Variants in SIPA1L2 observed in about 807,000 individuals in gnomAD.
SIPA1L2 encodes the protein signal-induced proliferation-associated 1-like protein 2.
SIPA1L2 carries 56 observed loss-of-function variants against 163.9 expected under a neutral mutation model. The observed-to-expected ratio is 0.34, with a 90% confidence interval of 0.28 to 0.43. The LOEUF is 0.43. Among genes scored for constraint, SIPA1L2 ranks in the 20% least tolerant of loss-of-function variants. The probability of loss-of-function intolerance (pLI) is 1.00; values close to 1 mark genes in which losing one functional copy is unlikely to be tolerated. For missense variants in SIPA1L2, 1,974 were observed against 2,193.5 expected, an observed-to-expected ratio of 0.90 and a Z score of 2.00; for synonymous variants, 877 against 865.7, an observed-to-expected ratio of 1.01 and a Z score of -0.23.
At chr1:232,455,349 G>A (rs973313677) in intron 10 of SIPA1L2, among the ~76,000 whole-genome samples, 1 of 152,270 alleles carries the variant, frequency 6.6e-6, no homozygotes, top group East Asian at 1.9e-4. Context: ...CAACAAAAAC[G>A]TGGAATCAAC....
intron 9 of SIPA1L2, among the ~76,000 whole-genome samples, chr1:232,463,607 A>G (rs1247855645): frequency 1.3e-5 from 2 of 152,236 alleles, no homozygotes; most frequent in Non-Finnish European, 2.9e-5. Context: ...GGGAAAGTAC[A>G]TTTTTGTGGT....
chr1:232,484,918 C>G (rs148134904), intron 5 of SIPA1L2, among the ~76,000 whole-genome samples: 4 of 152,298 alleles, frequency 2.6e-5, no homozygotes, highest in African/African-American at 9.6e-5. Flanking sequence ...TAAAACAGAA[C>G]CTTTAATCAA....
chr1:232,519,947 T>C (rs1287898842), intron 2 of SIPA1L2, among the ~76,000 whole-genome samples: 1 of 152,208 alleles, frequency 6.6e-6, no homozygotes, highest in Non-Finnish European at 1.5e-5. Flanking sequence ...ATTTAATACC[T>C]TCCCTAGAAC....
chr1:232,605,320 C>T (rs1661844423), intron 1 of SIPA1L2, among the ~76,000 whole-genome samples: 1 of 152,154 alleles, frequency 6.6e-6, no homozygotes, highest in African/African-American at 2.4e-5. Context: ...CCCAGCCACC[C>T]AAGGTAGTAC....
intron 1 of SIPA1L2, among the ~76,000 whole-genome samples, chr1:232,626,659 C>T (rs1663091996): frequency 6.6e-6 from 1 of 152,192 alleles, no homozygotes; most frequent in Non-Finnish European, 1.5e-5. Flanking sequence ...ATTTCTGAAT[C>T]ATTGATTTCA....
rs1381890919 is a variant in SIPA1L2, at chr1:232,559,329, G to A, written c.-270+14845C>T. ...GGGATGCTTCCAATATGAACAAATA[G>A]TAACATAAACTCAATCAGCTCCAGC... On this transcript the variant is annotated intron_variant, in intron 2 of 22. Coordinates refer to ENST00000674635, the MANE Select transcript of SIPA1L2 (RefSeq NM_020808.5). 2.0e-5 allele frequency among the ~76,000 whole-genome samples: 3 copies of A among 152,256 alleles called. No homozygotes were observed. In the East Asian group the frequency reaches 5.8e-4, roughly 29 times the overall value.
At chr1:232,625,112 G>C (rs536642752) in intron 1 of SIPA1L2, among the ~76,000 whole-genome samples, 1 of 151,992 alleles carries the variant, frequency 6.6e-6, no homozygotes, top group Non-Finnish European at 1.5e-5. Flanking sequence ...AGTAGAACCA[G>C]CAAAGGAGGT....
At chr1:232,594,633 C>T (rs541368725) in intron 1 of SIPA1L2, among the ~76,000 whole-genome samples, 2 of 152,292 alleles carry the variant, frequency 1.3e-5, no homozygotes, top group East Asian at 3.9e-4. Flanking sequence ...TACCCAGCCT[C>T]TTTCTAGCTA....
At chr1:232,403,887 C>G (rs1260170780) in intron 20 of SIPA1L2, among the ~76,000 whole-genome samples, 1 of 152,172 alleles carries the variant, frequency 6.6e-6, no homozygotes, top group Non-Finnish European at 1.5e-5. Context: ...AAGCTGCTGG[C>G]TATGCATGAA....
intron 11 of SIPA1L2, 50 bp from the exon 12 acceptor site, chr1:232,443,735 C>A: frequency 6.8e-7 from 1 of 1,461,516 alleles, no homozygotes; most frequent in Non-Finnish European, 9.4e-7. Flanking sequence ...ATCTGCCAAG[C>A]CCCTTGACCT....
intron 2 of SIPA1L2, among the ~76,000 whole-genome samples, chr1:232,559,601 C>CAA (rs1658915450): frequency 6.6e-6 from 1 of 151,966 alleles, no homozygotes; most frequent in Non-Finnish European, 1.5e-5. Flanking sequence ...GAATATAATA[C>CAA]AAACATACAT....
chr1:232,510,483 C>T (rs1666931981), intron 3 of SIPA1L2, among the ~76,000 whole-genome samples: 1 of 152,226 alleles, frequency 6.6e-6, no homozygotes, highest in Non-Finnish European at 1.5e-5. Context: ...CCACAATTCA[C>T]TGACAGGGTG....
At chr1:232,617,813 T>A (rs1026835310) in intron 1 of SIPA1L2, among the ~76,000 whole-genome samples, 1 of 152,176 alleles carries the variant, frequency 6.6e-6, no homozygotes, top group Admixed American at 6.5e-5. Flanking sequence ...ATGATACACT[T>A]AAGATTTGTG....
At chr1:232,491,960 T>G (rs1665954147) in intron 4 of SIPA1L2, among the ~76,000 whole-genome samples, 1 of 152,224 alleles carries the variant, frequency 6.6e-6, no homozygotes, top group South Asian at 2.1e-4. Flanking sequence ...GGAAAAGGAT[T>G]TCTAATTTTG....
chr1:232,572,840 G>A (rs974647881), intron 2 of SIPA1L2, among the ~76,000 whole-genome samples: 2 of 149,254 alleles, frequency 1.3e-5, no homozygotes, highest in African/African-American at 2.5e-5. Context: ...GTGCAATGGC[G>A]CAATCTCGGC....
intron 2 of SIPA1L2, among the ~76,000 whole-genome samples, chr1:232,538,911 C>A (rs1172737110): frequency 6.6e-6 from 1 of 152,168 alleles, no homozygotes; most frequent in East Asian, 1.9e-4. Context: ...ATATCATGTT[C>A]TTTTTTCTAT....
At chr1:232,554,448 T>C (rs992329219) in intron 2 of SIPA1L2, among the ~76,000 whole-genome samples, 7 of 152,248 alleles carry the variant, frequency 4.6e-5, no homozygotes, top group African/African-American at 1.7e-4. Flanking sequence ...ACTTACTTTA[T>C]CCAGCCTCTC....
chr1:232,407,534 C>T (rs12145607), intron 19 of SIPA1L2, among the ~76,000 whole-genome samples: 29,385 of 152,228 alleles, frequency 0.19, 3,592 homozygotes, highest in Middle Eastern at 0.27. Context: ...TTGGAAAATA[C>T]GGTTATGTGG....
chr1:232,606,860 A>G (rs995276452), intron 1 of SIPA1L2, among the ~76,000 whole-genome samples: 1 of 152,058 alleles, frequency 6.6e-6, no homozygotes, highest in African/African-American at 2.4e-5. Context: ...TTTACAATAA[A>G]GAACATGTAC....
Sources: allele counts gnomAD v4.1 joint callset (sites outside exome capture counted in the v4.1 genomes callset), GRCh38; gene constraint gnomAD v4.1.1; transcripts MANE v1.5; gene names NCBI Gene and HGNC (gene_info 2026-07-23, HGNC 2026-07-21).